SSBP3: variants seen among roughly 807,000 people sequenced by gnomAD.
The protein encoded by SSBP3 is single-stranded DNA-binding protein 3.
A neutral mutation model predicts 69.6 loss-of-function variants in SSBP3; 5 were observed. That is an observed-to-expected ratio of 0.07 (90% CI 0.04 to 0.15). The LOEUF is 0.15. Among genes scored for constraint, SSBP3 ranks in the 10% least tolerant of loss-of-function variants. SSBP3 has a pLI of 1.00. For missense variants in SSBP3, 312 were observed against 534.0 expected, an observed-to-expected ratio of 0.58 and a Z score of 4.10; for synonymous variants, 196 against 193.4, an observed-to-expected ratio of 1.01 and a Z score of -0.11.
chr1:54,343,218 C>T (rs185896478), intron 4 of SSBP3, among the ~76,000 whole-genome samples: 134 of 152,288 alleles, frequency 8.8e-4, no homozygotes, highest in Non-Finnish European at 1.5e-3. Flanking sequence ...ACACGTGATA[C>T]ATTCCTCGCT....
At chr1:54,279,205 G>A (rs141012461) in intron 5 of SSBP3, among the ~76,000 whole-genome samples, 11 of 152,272 alleles carry the variant, frequency 7.2e-5, no homozygotes, top group African/African-American at 1.4e-4. Context: ...ATGGCTCGCC[G>A]TGCCTGGGAA....
chr1:54,305,633 A>AAG (rs1253620384), intron 4 of SSBP3, among the ~76,000 whole-genome samples: 30 of 148,832 alleles, frequency 2.0e-4, no homozygotes, highest in African/African-American at 6.7e-4. Context: ...AAAAAAAAAA[A>AAG]AGAGAGAGAG....
At chr1:54,302,588 T>G (rs1318697328) in intron 4 of SSBP3, among the ~76,000 whole-genome samples, 1 of 152,202 alleles carries the variant, frequency 6.6e-6, no homozygotes, top group Admixed American at 6.5e-5. Flanking sequence ...TTCTCTAGCT[T>G]TTAAGCACCC....
chr1:54,256,865 G>A lies in SSBP3; in HGVS notation c.507+262C>T, dbSNP rs185948415. Among the ~76,000 whole-genome samples, 142 of 152,280 alleles carry A rather than the reference G, an allele frequency of 9.3e-4. No homozygotes were observed. Among genetic ancestry groups the A allele is most frequent in the Non-Finnish European group, 1.6e-3 (106 of 68,022 alleles). Reference sequence around the variant, plus strand: ...GCCGAAACCCTGCAATCCCAGATGCGCCTTAGCTCCATCTGCTGCCACCTT... The same window carrying A: ...GCCGAAACCCTGCAATCCCAGATGCACCTTAGCTCCATCTGCTGCCACCTT... On this transcript the variant is annotated intron_variant, in intron 7 of 17. Coordinates refer to ENST00000610401, the Ensembl canonical transcript of SSBP3.
chr1:54,395,473 C>T (rs1648796991), intron 4 of SSBP3, among the ~76,000 whole-genome samples: 1 of 152,190 alleles, frequency 6.6e-6, no homozygotes, highest in African/African-American at 2.4e-5. Context: ...AGATAAGGTG[C>T]ACAGACATCT....
intron 9 of SSBP3, among the ~76,000 whole-genome samples, chr1:54,249,340 T>G (rs1359715276): frequency 2.0e-5 from 3 of 152,348 alleles, no homozygotes; most frequent in East Asian, 3.9e-4. Context: ...TTTCAGTCCC[T>G]AAAGTTGGAA....
chr1:54,334,661 G>T (rs994729201), intron 4 of SSBP3, among the ~76,000 whole-genome samples: 4 of 152,190 alleles, frequency 2.6e-5, no homozygotes, highest in African/African-American at 9.6e-5. Context: ...TTTTAAGAAT[G>T]GAAGAATAAT....
At chr1:54,310,430 G>T (rs1441179598) in intron 4 of SSBP3, among the ~76,000 whole-genome samples, 1 of 152,086 alleles carries the variant, frequency 6.6e-6, no homozygotes, top group Non-Finnish European at 1.5e-5. Context: ...TGCAGAGTTG[G>T]GTACACATAA....
In SSBP3 at chr1:54,404,891, T is replaced by A. The variant is rs1299100050; in HGVS notation, c.96A>T (p.Gly32=). The A allele has an allele frequency of 2.5e-6, 4 of 1,611,826 alleles. No individual in the cohort carries two copies. In the African/African-American group the frequency reaches 5.4e-5, roughly 22 times the overall value. The change falls in exon 2 of 18, where the codon GGA becomes GGT. Residue 32 remains glycine, a synonymous_variant. Transcript: ENST00000610401. ...AGAAGGTCTGTGCAGATTTCTGTGC[T>A]CCTACGTGCAGTAAATATTCGTAGA...
intron 5 of SSBP3, among the ~76,000 whole-genome samples, chr1:54,271,527 G>C (rs997403245): frequency 2.0e-5 from 3 of 152,200 alleles, no homozygotes; most frequent in Non-Finnish European, 4.4e-5. Context: ...AAGAGGCTGG[G>C]TCACTGCCAG....
chr1:54,311,609 G>A (rs1039299057), intron 4 of SSBP3, among the ~76,000 whole-genome samples: 2 of 152,108 alleles, frequency 1.3e-5, no homozygotes, highest in African/African-American at 4.8e-5. Context: ...AGCCCCCAAG[G>A]GTAAGACACC....
chr1:54,247,466 G>A (rs563375506), intron 9 of SSBP3, among the ~76,000 whole-genome samples: 29 of 152,230 alleles, frequency 1.9e-4, no homozygotes, highest in South Asian at 1.0e-3. Context: ...TCACCAGCTC[G>A]GGGTGCTCAG....
intron 4 of SSBP3, among the ~76,000 whole-genome samples, chr1:54,383,218 C>CA (rs112003124): frequency 0.098 from 14,276 of 145,512 alleles, 904 homozygotes; most frequent in East Asian, 0.28. Context: ...TATTAGAATA[C>CA]AAAAAAAAAA....
intron 4 of SSBP3, among the ~76,000 whole-genome samples, chr1:54,351,763 CCT>C (rs761329843): frequency 5.3e-5 from 8 of 152,174 alleles, no homozygotes; most frequent in African/African-American, 1.2e-4. Flanking sequence ...TATGGGAGCC[CCT>C]GTTTTGGGAC....
At chr1:54,394,230 A>T (rs1030795008) in intron 4 of SSBP3, among the ~76,000 whole-genome samples, 2 of 152,234 alleles carry the variant, frequency 1.3e-5, no homozygotes, top group Admixed American at 1.3e-4. Flanking sequence ...AACTTCACGC[A>T]GGGCACCTTT....
upstream of SSBP3, among the ~76,000 whole-genome samples, chr1:54,407,749 AT>A (rs532968816): frequency 0.064 from 6,234 of 97,126 alleles, 215 homozygotes; most frequent in African/African-American, 0.1. Context: ...GCCTAGGTTG[AT>A]TTTTTTTTTT....
At chr1:54,315,497 T>G (rs1173124015) in intron 4 of SSBP3, among the ~76,000 whole-genome samples, 4 of 152,026 alleles carry the variant, frequency 2.6e-5, no homozygotes, top group Non-Finnish European at 5.9e-5. Context: ...AAAAAAGAGA[T>G]TCTTCAATGT....
intron 4 of SSBP3, among the ~76,000 whole-genome samples, chr1:54,339,240 T>C (rs1465996377): frequency 6.6e-6 from 1 of 152,182 alleles, no homozygotes; most frequent in Non-Finnish European, 1.5e-5. Flanking sequence ...ACTAGGAATG[T>C]TAAGGATTAA....
intron 7 of SSBP3, among the ~76,000 whole-genome samples, chr1:54,256,326 G>T (rs1644920580): frequency 6.6e-6 from 1 of 152,096 alleles, no homozygotes; most frequent in South Asian, 2.1e-4. Flanking sequence ...AAAAATTGGG[G>T]CATAAAATTT....
Sources: allele counts gnomAD v4.1 joint callset (sites outside exome capture counted in the v4.1 genomes callset), GRCh38; gene constraint gnomAD v4.1.1; transcripts MANE v1.5; gene names NCBI Gene and HGNC (gene_info 2026-07-23, HGNC 2026-07-21).